Variants in UBE3A observed in about 807,000 individuals in gnomAD.
UBE3A encodes ubiquitin protein ligase E3A, also known as ubiquitin-protein ligase E3A.
A neutral mutation model predicts 83.4 loss-of-function variants in UBE3A; 6 were observed. The observed-to-expected ratio is 0.07, with a 90% CI of 0.04 to 0.14. The LOEUF is 0.14. UBE3A is among the 10% of genes least tolerant of loss of function. UBE3A has a pLI of 1.00. For synonymous variants in UBE3A, 337 were observed against 355.4 expected, an observed-to-expected ratio of 0.95 and a Z score of 0.58; for missense variants, 456 against 1,036.1, an observed-to-expected ratio of 0.44 and a Z score of 7.69.
chr15:25,375,954 T>C (rs1322670276), intron 4 of UBE3A, among the ~76,000 whole-genome samples, 191 bp from the exon 5 acceptor site: 1 of 152,192 alleles, frequency 6.6e-6, no homozygotes, highest in African/African-American at 2.4e-5. Flanking sequence ...AAATATTTTC[T>C]AGGATATTAT....
At position 25,428,582 on chromosome 15, in the gene UBE3A, C is replaced by T. The variant is rs368474539; in HGVS notation, c.-165+9907G>A. Among the ~76,000 whole-genome samples the T allele has an allele frequency of 1.1e-4, 16 of 152,204 alleles. No individual in the cohort carries two copies. The East Asian group carries it at 1.7e-3, about 17-fold the overall frequency. ...GGTCCTTTTCAACATAAATGTTGTACGATAGTGTGCCTTTCCTTTAAAAAC... is the reference window on the plus strand; with the variant it reads ...GGTCCTTTTCAACATAAATGTTGTATGATAGTGTGCCTTTCCTTTAAAAAC... On this transcript the variant is annotated intron_variant, in intron 1 of 12. Coordinates refer to ENST00000648336, the MANE Select transcript of UBE3A (RefSeq NM_130839.5).
chr15:25,371,451 G>A lies in UBE3A; in HGVS notation c.723C>T (p.Thr241=), dbSNP rs766597966. The A allele has an allele frequency of 1.2e-6, 2 of 1,614,054 alleles. No homozygotes were observed. Among genetic ancestry groups the A allele is most frequent in the East Asian group, 4.5e-5 (2 of 44,874 alleles). ...VDIDAIRRVY[T]RLLSNEKIET... ...CAATTTTTTCATTAGAGAGCAATCT[G>A]GTGTAGACCCTTCTAATGGCATCAA... Residue 241 remains threonine (T), a synonymous_variant, in exon 6 of 13, where the codon ACC becomes ACT. Transcript: ENST00000648336. The surrounding 1 kb of genome is among the most constrained non-coding windows in gnomAD (Gnocchi z 5.3).
chr15:25,340,431 A>G (rs1027170951), intron 11 of UBE3A, among the ~76,000 whole-genome samples: 1 of 152,240 alleles, frequency 6.6e-6, no homozygotes, highest in Non-Finnish European at 1.5e-5. Context: ...AGATTAGATT[A>G]CAATATAGTA....
At chr15:25,422,931 G>A (rs1186622099) in intron 1 of UBE3A, among the ~76,000 whole-genome samples, 2 of 151,930 alleles carry the variant, frequency 1.3e-5, no homozygotes, top group African/African-American at 4.8e-5. Context: ...CCAGGAGTTT[G>A]AGGTTGCAGG....
At chr15:25,355,796 T>C in intron 9 of UBE3A, 96 bp downstream of exon 9, 1 of 1,196,788 alleles carries the variant, frequency 8.4e-7, no homozygotes, top group Non-Finnish European at 1.2e-6. Context: ...TTTTTTTTTG[T>C]ACAGACTATA....
chr15:25,360,336 A>C, intron 7 of UBE3A, 47 bp downstream of exon 7: 3 of 1,610,108 alleles, frequency 1.9e-6, no homozygotes, highest in Non-Finnish European at 2.5e-6. Context: ...CAAATAACTA[A>C]CTCAAAAGAT....
At chr15:25,381,981 C>A (rs937923991) in intron 4 of UBE3A, among the ~76,000 whole-genome samples, 3 of 152,158 alleles carry the variant, frequency 2.0e-5, no homozygotes, top group Non-Finnish European at 4.4e-5. Flanking sequence ...ATGAACAAAT[C>A]AGTATTTTCA....
intron 11 of UBE3A, among the ~76,000 whole-genome samples, chr15:25,342,711 A>C (rs2075049002): frequency 6.6e-6 from 1 of 152,150 alleles, no homozygotes; most frequent in African/African-American, 2.4e-5. Context: ...AATACCAAAG[A>C]AGTGGGGAAA....
chr15:25,369,008 AAAGT>A (rs1555398958), intron 6 of UBE3A, among the ~76,000 whole-genome samples: 1 of 152,128 alleles, frequency 6.6e-6, no homozygotes, highest in Non-Finnish European at 1.5e-5. Flanking sequence ...AGCCAAACAT[AAAGT>A]ATGTAGCTTT....
At position 25,335,326 on chromosome 15, in the gene UBE3A, G is replaced by C. The variant is rs1228066373; in HGVS notation, c.*3811C>G. The C allele has an allele frequency of 6.6e-6, 1 of 152,378 alleles. No homozygotes were observed. Among genetic ancestry groups the C allele is most frequent in the African/African-American group, 2.4e-5 (1 of 41,472 alleles). 9.4% of individuals were successfully genotyped at this position (152,378 alleles called of 1,614,324 possible). A position where few individuals can be genotyped will look rare whatever the true frequency, so the allele number is the denominator to read the frequency against. On this transcript the variant is annotated 3_prime_UTR_variant, in exon 13 of 13. Transcript: ENST00000648336. ...TGGGTAGGAATGCAGCGAGGAAAGT[G>C]TGTAACACAAGGCCAAATTGGAAAG... is the stretch of plus-strand genomic sequence containing the variant.
At chr15:25,367,439 T>C (rs941084018) in intron 6 of UBE3A, among the ~76,000 whole-genome samples, 1 of 151,996 alleles carries the variant, frequency 6.6e-6, no homozygotes, top group Admixed American at 6.6e-5. Flanking sequence ...ACTGTACTGT[T>C]TTCTAAGGAA....
intron 1 of UBE3A, among the ~76,000 whole-genome samples, chr15:25,437,424 T>C (rs765596239): frequency 1.3e-4 from 20 of 152,270 alleles, no homozygotes; most frequent in Non-Finnish European, 2.6e-4. Context: ...CTTTCAACAG[T>C]TGTATTTCTT....
chr15:25,402,488 T>C (rs2087394011), intron 4 of UBE3A, among the ~76,000 whole-genome samples: 1 of 152,218 alleles, frequency 6.6e-6, no homozygotes, highest in African/African-American at 2.4e-5. Flanking sequence ...AGGGCAGGGC[T>C]GCAGGGACCA....
At chr15:25,341,133 G>C (rs557584687) in intron 11 of UBE3A, among the ~76,000 whole-genome samples, 3 of 151,564 alleles carry the variant, frequency 2.0e-5, no homozygotes, top group Admixed American at 6.6e-5. Flanking sequence ...GCAGTGGCGC[G>C]ATCTCGGCTC....
intron 6 of UBE3A, among the ~76,000 whole-genome samples, chr15:25,362,443 C>T (rs745480068): frequency 3.3e-5 from 5 of 152,080 alleles, no homozygotes; most frequent in Non-Finnish European, 7.4e-5. Flanking sequence ...CTTTAGCACG[C>T]GATTCAATTA....
In UBE3A at chr15:25,347,774, AT is replaced by A. The variant is rs547430673; in HGVS notation, c.2354+6578del. Among the ~76,000 whole-genome samples, 100 of 152,296 alleles carry A rather than the reference AT, an allele frequency of 6.6e-4. 1 individual carries two copies. The highest frequency in any genetic ancestry group is 2.3e-3 in the African/African-American group (94 of 41,566). ...TCAAGGGTCTTAAAAATCTTAAAAA[AT>A]GTTCAAGTAATCATGGAAGGCAATA... On this transcript the variant is annotated intron_variant, in intron 11 of 12. Coordinates refer to ENST00000648336, the MANE Select transcript of UBE3A (RefSeq NM_130839.5).
intron 11 of UBE3A, among the ~76,000 whole-genome samples, chr15:25,352,354 AC>A (rs1336564297): frequency 6.6e-6 from 1 of 152,232 alleles, no homozygotes; most frequent in African/African-American, 2.4e-5. Flanking sequence ...ATACAGGCAT[AC>A]CCCAGAGATA....
chr15:25,349,156 C>T (rs1159211632), intron 11 of UBE3A, among the ~76,000 whole-genome samples: 1 of 152,054 alleles, frequency 6.6e-6, no homozygotes, highest in African/African-American at 2.4e-5. Context: ...GGTGCAAAGG[C>T]AATTCAATGG....
At chr15:25,343,769 A>C (rs949061666) in intron 11 of UBE3A, among the ~76,000 whole-genome samples, 9 of 152,172 alleles carry the variant, frequency 5.9e-5, no homozygotes, top group African/African-American at 2.2e-4. Flanking sequence ...TTAACATATA[A>C]AGTTTCTAAA....
Sources: allele counts gnomAD v4.1 joint callset (sites outside exome capture counted in the v4.1 genomes callset), GRCh38; gene constraint gnomAD v4.1.1; non-coding constraint Gnocchi (gnomAD v3.1); transcripts MANE v1.5; gene names NCBI Gene and HGNC (gene_info 2026-07-23, HGNC 2026-07-21).